Variants in PDIA6 observed in about 807,000 individuals in gnomAD.
The protein encoded by PDIA6 is protein disulfide isomerase family A member 6, also known as protein disulfide-isomerase A6.
PDIA6 carries 29 observed loss-of-function variants against 58.4 expected under a neutral mutation model. The observed-to-expected ratio is 0.50, with a 90% CI of 0.37 to 0.68. The LOEUF (loss-of-function observed/expected upper bound fraction) is 0.68. Ranked by LOEUF, PDIA6 falls within the 30% of genes least tolerant of loss-of-function variation. The pLI is 0.00. For synonymous variants in PDIA6, 192 were observed against 202.6 expected (o/e 0.95, Z 0.44); for missense variants, 480 against 551.0 (o/e 0.87, Z 1.29).
At position 10,802,499 on chromosome 2, in the gene PDIA6, C is replaced by A. The variant is rs765592534; in HGVS notation, c.161G>T (p.Trp54Leu). Reference protein sequence around the residue: ...SLWLVEFYAPWCGHCQRLTPE... With the variant: ...SLWLVEFYAPLCGHCQRLTPE... Reference sequence around the variant, plus strand: ...TCTACAACTATTTTATAATACTTACCATGGAGCATAGAATTCTACAAGCCA... The same window carrying A: ...TCTACAACTATTTTATAATACTTACAATGGAGCATAGAATTCTACAAGCCA... The change falls in exon 2 of 13, where the codon TGG (tryptophan) becomes TTG (leucine). Residue 54 changes from tryptophan to leucine, a missense_variant and splice_region_variant. By Grantham distance (61) the Trp-to-Leu change is moderately conservative. Coordinates refer to ENST00000272227, the MANE Select transcript of PDIA6 (RefSeq NM_005742.4). 12 of 1,371,060 alleles carry A rather than the reference C, an allele frequency of 8.8e-6. No individual in the cohort carries two copies. The highest frequency in any genetic ancestry group is 2.8e-5 in the Admixed American group (1 of 35,136). The allele number at this position is 1,371,060 out of a possible 1,614,324, so 84.9% of individuals were successfully genotyped here. A position where few individuals can be genotyped will look rare whatever the true frequency, so the allele number is the denominator to read the frequency against.
intron 2 of PDIA6, among the ~76,000 whole-genome samples, chr2:10,801,007 AGTG>A (rs1207807403): frequency 6.6e-6 from 1 of 152,188 alleles, no homozygotes; most frequent in Admixed American, 6.5e-5. Context: ...GACCCAGTGC[AGTG>A]GCTCACAGCT....
At chr2:10,799,232 T>C (rs1666401117) in intron 2 of PDIA6, among the ~76,000 whole-genome samples, 1 of 152,236 alleles carries the variant, frequency 6.6e-6, no homozygotes, top group South Asian at 2.1e-4. Context: ...ATTCACTGTA[T>C]GCAGACACCA....
upstream of PDIA6, among the ~76,000 whole-genome samples, chr2:10,834,735 CTT>C (rs1667791999): frequency 6.8e-5 from 2 of 29,396 alleles, no homozygotes; most frequent in African/African-American, 2.4e-4. Flanking sequence ...TCCTTCCCTC[CTT>C]CCTTCCTTCC....
Position 10,784,962 on chromosome 2 carries a change from C to T in PDIA6, c.1226G>A (p.Arg409Lys). ...GGGAFPTIVE[R>K]EPWDGRDGEL... ...GCCATCCCTGCCGTCCCAAGGCTCTCTCTCAACGATGGTAGGGAAAGCCCC... is the reference window on the plus strand; with the variant it reads ...GCCATCCCTGCCGTCCCAAGGCTCTTTCTCAACGATGGTAGGGAAAGCCCC... Residue 409 changes from arginine (R) to lysine (K), a missense_variant, in exon 12 of 13, where the codon AGA becomes AAA. Coordinates refer to ENST00000272227, the MANE Select transcript of PDIA6 (RefSeq NM_005742.4). 1 of 1,591,732 alleles carries T rather than the reference C, an allele frequency of 6.3e-7. No individual in the cohort carries two copies. Among genetic ancestry groups the T allele is most frequent in the Non-Finnish European group, 8.6e-7 (1 of 1,167,806 alleles).
In PDIA6 at chr2:10,786,760, T is replaced by C. The variant is rs141699605; in HGVS notation, c.1157+521A>G. On this transcript the variant is annotated intron_variant, in intron 11 of 12. Coordinates refer to ENST00000272227, the MANE Select transcript of PDIA6 (RefSeq NM_005742.4). ...TGCCCTGTATTGCCTAAAAGATGAT[T>C]AGGTGAGCTGAATAGCAGAGCAGAG... is the stretch of plus-strand genomic sequence containing the variant. Among the ~76,000 whole-genome samples the C allele has an allele frequency of 3.1e-3, 467 of 152,326 alleles. 1 individual carries two copies. The highest frequency in any genetic ancestry group is 0.01 in the African/African-American group (421 of 41,570).
exon 1 of PDIA6, chr2:10,832,318 G>A (rs1000423339): frequency 1.1e-5 from 8 of 698,586 alleles, no homozygotes; most frequent in Non-Finnish European, 1.4e-5. Flanking sequence ...AGGATAAATT[G>A]TGTTCTGCTC....
upstream of PDIA6, among the ~76,000 whole-genome samples, chr2:10,816,516 T>C (rs1667200001): frequency 6.8e-6 from 1 of 148,034 alleles, no homozygotes; most frequent in African/African-American, 2.5e-5. Context: ...TCATGCCCTT[T>C]TTGTGCTTTC....
intron 1 of PDIA6, among the ~76,000 whole-genome samples, chr2:10,812,029 G>A (rs1371222472): frequency 6.6e-6 from 1 of 152,092 alleles, no homozygotes; most frequent in East Asian, 1.9e-4. Context: ...TCCTGCCTCA[G>A]CCTTCTGAGT....
At chr2:10,835,383 C>T (rs1667811038), upstream of PDIA6, among the ~76,000 whole-genome samples, 1 of 152,074 alleles carries the variant, frequency 6.6e-6, no homozygotes, top group Admixed American at 6.5e-5. Context: ...GTGAGCCAGC[C>T]GGGTTCCGTT....
chr2:10,804,280 T>C (rs1666643249), intron 1 of PDIA6, among the ~76,000 whole-genome samples: 1 of 151,754 alleles, frequency 6.6e-6, no homozygotes, highest in African/African-American at 2.4e-5. Flanking sequence ...ACCTACGTTT[T>C]CTTCTAGGGT....
chr2:10,837,669 G>A lies in PDIA6; in HGVS notation c.-64C>T, dbSNP rs779262775. On this transcript the variant is annotated 5_prime_UTR_variant, in exon 1 of 14. Transcript: ENST00000404824. ...GTTCAGGGGCTCCAAGCTTCTAGGT[G>A]GCAGAGCTGGGTCTCAAGCCTGGGC... The A allele has an allele frequency of 3.5e-5, 52 of 1,494,156 alleles. No homozygotes were observed. The Middle Eastern group carries it at 2.8e-3, about 81-fold the overall frequency. 92.6% of individuals were successfully genotyped at this position (1,494,156 alleles called of 1,614,324 possible). A position where few individuals can be genotyped will look rare whatever the true frequency, so the allele number is the denominator to read the frequency against.
At chr2:10,789,952 TAC>T in intron 7 of PDIA6, 63 bp from the exon 8 acceptor site, 4 of 1,472,062 alleles carry the variant, frequency 2.7e-6, no homozygotes, top group Middle Eastern at 1.8e-4. Flanking sequence ...ACACAATCTT[TAC>T]AGTTTCTAAA....
rs543911081 is a variant in PDIA6 at position 10,820,783 on chromosome 2, C to T, written c.-47-1429G>A. The T allele has an allele frequency of 1.5e-4, 103 of 702,994 alleles. 2 individuals are homozygous for T. The highest frequency in any genetic ancestry group is 1.4e-3 in the South Asian group (93 of 67,592). The allele number at this position is 702,994 out of a possible 1,614,324, so 43.5% of individuals were successfully genotyped here. A position where few individuals can be genotyped will look rare whatever the true frequency, so the allele number is the denominator to read the frequency against. On this transcript the variant is annotated intron_variant, in intron 1 of 13. Coordinates refer to the PDIA6 transcript ENST00000381611. The stretch of plus-strand genomic sequence containing the variant: ...CCAGTTCACTCACATGGCTGGAAGT[C>T]GGAGCTGATGTTGGCTGGGACCTCA...
At chr2:10,785,380 T>C (rs183502578) in intron 11 of PDIA6, among the ~76,000 whole-genome samples, 122 of 152,360 alleles carry the variant, frequency 8.0e-4, no homozygotes, top group African/African-American at 2.6e-3. Context: ...TTTCTAAGAC[T>C]GCTGTGAACC....
chr2:10,787,010 GC>G (rs1331236089), intron 11 of PDIA6, among the ~76,000 whole-genome samples: 4 of 152,134 alleles, frequency 2.6e-5, no homozygotes, highest in Non-Finnish European at 5.9e-5. Context: ...ATGAGAAAGA[GC>G]CCAGGGCCAG....
intron 1 of PDIA6, among the ~76,000 whole-genome samples, 160 bp downstream of exon 1, chr2:10,812,518 C>A (rs537620319): frequency 8.6e-5 from 13 of 151,796 alleles, no homozygotes; most frequent in African/African-American, 3.1e-4. Flanking sequence ...TCCGCCGGGG[C>A]AACCTAGCAG....
Position 10,822,336 on chromosome 2 carries a change from C to T in PDIA6, c.-47-2982G>A, listed in dbSNP as rs1416218412. 3.3e-5 allele frequency among the ~76,000 whole-genome samples: 5 copies of T among 152,018 alleles called. No homozygotes were observed. In the South Asian group the frequency reaches 1.0e-3, roughly 32 times the overall value. On this transcript the variant is annotated intron_variant, in intron 1 of 13. Coordinates refer to the PDIA6 transcript ENST00000381611. ...GGAGTGCAGTGGCGCGATCTAGGCT[C>T]ACTGCAAGCTCCGCCTCCCGGGTTC...
chr2:10,796,500 T>TAAAAA (rs79164237), intron 4 of PDIA6, among the ~76,000 whole-genome samples: 1 of 132,310 alleles, frequency 7.6e-6, no homozygotes, highest in Admixed American at 7.7e-5. Context: ...CTCTGTCTCT[T>TAAAAA]AAAAAAAAAA....
rs191287173 is a variant in PDIA6 at position 10,800,346 on chromosome 2, C to T, written c.161+2153G>A. On this transcript the variant is annotated intron_variant, in intron 2 of 12. Transcript: ENST00000272227. ...TTTCAGATTTTGTATTCTCAGATTA[C>T]GGATGCTCTACAGCTAAGTATTATG... Among the ~76,000 whole-genome samples the T allele has an allele frequency of 1.6e-3, 247 of 152,260 alleles. 1 individual carries two copies. The highest frequency in any genetic ancestry group is 2.5e-3 in the Non-Finnish European group (172 of 68,018).
Sources: gnomAD v4.1 joint callset for allele counts (sites outside exome capture counted in the v4.1 genomes callset) on GRCh38, gnomAD v4.1.1 for gene constraint, MANE v1.5 for transcripts, NCBI Gene and HGNC (gene_info 2026-07-23, HGNC 2026-07-21) for gene names.